RAB44: variants seen among roughly 807,000 people sequenced by gnomAD.
The protein encoded by RAB44 is ras-related protein Rab-44.
RAB44 carries 67 observed loss-of-function variants against 93.3 expected under a neutral mutation model. The observed-to-expected ratio is 0.72, with a 90% CI of 0.59 to 0.88. RAB44 has a LOEUF of 0.88. Among genes scored for constraint, RAB44 ranks in the 40% least tolerant of loss-of-function variants. The probability of loss-of-function intolerance (pLI) is 0.00; values close to 1 mark genes in which losing one functional copy is unlikely to be tolerated. For synonymous variants in RAB44, 427 were observed against 520.3 expected, an observed-to-expected ratio of 0.82 and a Z score of 2.44; for missense variants, 1,064 against 1,261.7, an observed-to-expected ratio of 0.84 and a Z score of 2.37.
At chr6:36,719,382 C>A (rs146176335) in intron 7 of RAB44, among the ~76,000 whole-genome samples, 85 of 152,308 alleles carry the variant, frequency 5.6e-4, no homozygotes, top group African/African-American at 1.9e-3. Context: ...TAGGGCTTTA[C>A]ACATGGGGCC....
chr6:36,718,048 G>T lies in RAB44; in HGVS notation c.662G>T (p.Arg221Leu), dbSNP rs1457889436. Residue 221 changes from arginine (R) to leucine (L), a missense_variant, in exon 6 of 14, where the codon CGC (arginine) becomes CTC (leucine). Coordinates refer to ENST00000612677, the MANE Select transcript of RAB44 (RefSeq NM_001257357.2). ...CCCAGGCGTGACTCTGACCACCACC[G>T]CGAGGTCCAGCAGCTCTATGAGGAG... is the stretch of plus-strand genomic sequence containing the variant. ...TLRKRDSDHH[R>L]EVQQLYEEME... 8 of 1,231,988 alleles carry T rather than the reference G, an allele frequency of 6.5e-6. No homozygotes were observed. Among genetic ancestry groups the T allele is most frequent in the Admixed American group, 8.4e-5 (2 of 23,704 alleles). 76.3% of individuals were successfully genotyped at this position (1,231,988 alleles called of 1,614,324 possible).
At position 36,720,349 on chromosome 6, in the gene RAB44, C is replaced by T. The variant is rs946875295; in HGVS notation, c.829-14C>T. On this transcript the variant is annotated splice_polypyrimidine_tract_variant and intron_variant, in intron 7 of 13. Coordinates refer to ENST00000612677, the MANE Select transcript of RAB44 (RefSeq NM_001257357.2). The stretch of plus-strand genomic sequence containing the variant: ...GCATCTGGGCTTCTCTCCGCCTCAC[C>T]CTCCACCCTGCAGCTGGAGGCCCAG... 8.1e-7 allele frequency: 1 copy of T among 1,232,342 alleles called. No individual in the cohort carries two copies. Among genetic ancestry groups the T allele is most frequent in the Non-Finnish European group, 1.0e-6 (1 of 988,110 alleles). 76.3% of individuals were successfully genotyped at this position (1,232,342 alleles called of 1,614,324 possible). A position where few individuals can be genotyped will look rare whatever the true frequency, so the allele number is the denominator to read the frequency against.
chr6:36,722,145 G>A lies in RAB44; in HGVS notation c.2011G>A (p.Glu671Lys). Residue 671 changes from glutamate (E) to lysine (K), a missense_variant, in exon 9 of 14, where the codon GAA (glutamate) becomes AAA (lysine). Coordinates refer to ENST00000612677, the MANE Select transcript of RAB44 (RefSeq NM_001257357.2). ...GTCTGCCTTCCCCCACCAGGAGCTG[G>A]AAGAGGAACCCAGGTCTGAGGAAGG... ...ELSAFPHQEL[E>K]EEPRSEEGKQ... 3.2e-6 allele frequency: 4 copies of A among 1,236,614 alleles called. No individual in the cohort carries two copies. Among genetic ancestry groups the A allele is most frequent in the Non-Finnish European group, 4.0e-6 (4 of 989,772 alleles). The allele number at this position is 1,236,614 out of a possible 1,614,324, so 76.6% of individuals were successfully genotyped here.
chr6:36,703,848 AC>A (rs975515775), intron 1 of RAB44, among the ~76,000 whole-genome samples: 2 of 152,034 alleles, frequency 1.3e-5, no homozygotes, highest in African/African-American at 4.8e-5. Flanking sequence ...ATCCTGGAAA[AC>A]CCTGTGTAAC....
Position 36,716,782 on chromosome 6 carries a change from T to C in RAB44, c.495-491T>C, listed in dbSNP as rs954595000. ...GCCCTCTGGCATCCATCCTCATGAC[T>C]TAATTAAATCCATGTGAAAGCAGCC... On this transcript the variant is annotated intron_variant, in intron 4 of 13. Transcript: ENST00000612677. Among the ~76,000 whole-genome samples, 5 of 152,326 alleles carry C rather than the reference T, an allele frequency of 3.3e-5. No homozygotes were observed. In the East Asian group the frequency reaches 7.7e-4, roughly 24 times the overall value.
At chr6:36,702,406 C>A (rs919407290) in intron 1 of RAB44, among the ~76,000 whole-genome samples, 11 of 150,440 alleles carry the variant, frequency 7.3e-5, no homozygotes, top group Non-Finnish European at 1.6e-4. Context: ...TTCTGTGCAA[C>A]CTGTGCCGTT....
intron 11 of RAB44, among the ~76,000 whole-genome samples, chr6:36,728,367 T>C (rs1034289027): frequency 6.6e-6 from 1 of 152,194 alleles, no homozygotes; most frequent in African/African-American, 2.4e-5. Context: ...CACTCACTAA[T>C]CAGAAACTAT....
chr6:36,698,872 G>A (rs146864926), intron 1 of RAB44, among the ~76,000 whole-genome samples: 6 of 152,266 alleles, frequency 3.9e-5, no homozygotes, highest in East Asian at 1.9e-4. Flanking sequence ...GTGTGTGTGC[G>A]TGCACGTTTG....
chr6:36,717,426 G>C lies in RAB44; in HGVS notation c.641+7G>C, dbSNP rs542575300. On this transcript the variant is annotated splice_region_variant and intron_variant, in intron 5 of 13. Coordinates refer to ENST00000612677, the MANE Select transcript of RAB44 (RefSeq NM_001257357.2). This position sits in a 1 kb window ranked among gnomAD's most constrained non-coding sequence, Gnocchi z 4.1. ...TGGAGCTGACCCTGAGGAAGTGAGT[G>C]GGGGGCCTGGCCGGGTGTCTGATAC... is the stretch of plus-strand genomic sequence containing the variant. The C allele has an allele frequency of 1.6e-4, 191 of 1,231,986 alleles. 3 individuals are homozygous for C. In the South Asian group the frequency reaches 6.5e-3, roughly 42 times the overall value. The allele number at this position is 1,231,986 out of a possible 1,614,324, so 76.3% of individuals were successfully genotyped here.
At chr6:36,701,913 G>A (rs1427171084) in intron 1 of RAB44, among the ~76,000 whole-genome samples, 2 of 151,974 alleles carry the variant, frequency 1.3e-5, no homozygotes, top group African/African-American at 4.8e-5. Flanking sequence ...TCTGCCAGCA[G>A]GAAGTACCTT....
At chr6:36,721,025 C>A in intron 8 of RAB44, 126 bp from the exon 9 acceptor site, 1 of 895,050 alleles carries the variant, frequency 1.1e-6, no homozygotes, top group Non-Finnish European at 1.5e-6. Flanking sequence ...GAAAGATTGC[C>A]TGAGCAAGGA....
chr6:36,721,274 T>TC lies in RAB44; in HGVS notation c.1142dup (p.His382AlafsTer65). On this transcript the variant is annotated frameshift_variant, in exon 9 of 14. Transcript: ENST00000612677. LOFTEE classifies it high-confidence loss of function. Reference sequence around the variant, plus strand: ...AGCTACTGAGCAACTTTGGCAGCCCTCCGCACGGAGCCCTGCAGCTCTGCT... The same window carrying TC: ...AGCTACTGAGCAACTTTGGCAGCCCTCCCGCACGGAGCCCTGCAGCTCTGCT... 1 of 1,234,164 alleles carries TC rather than the reference T, an allele frequency of 8.1e-7. No individual in the cohort carries two copies. The highest frequency in any genetic ancestry group is 3.2e-5 in the East Asian group (1 of 31,694). 76.5% of individuals were successfully genotyped at this position (1,234,164 alleles called of 1,614,324 possible).
chr6:36,728,887 G>A (rs1475195978), intron 12 of RAB44, 86 bp downstream of exon 12: 2 of 1,122,284 alleles, frequency 1.8e-6, no homozygotes, highest in Non-Finnish European at 2.6e-6. Context: ...CACCTGACCT[G>A]GGCAGCCGAG....
chr6:36,730,549 G>A (rs1228656614), intron 12 of RAB44, 124 bp from the exon 13 acceptor site: 9 of 509,892 alleles, frequency 1.8e-5, no homozygotes, highest in Non-Finnish European at 2.1e-5. Context: ...TGTCTTGCTC[G>A]CCACTGAGGT....
chr6:36,730,856 T>G, intron 13 of RAB44, 107 bp downstream of exon 13: 1 of 497,758 alleles, frequency 2.0e-6, no homozygotes, highest in African/African-American at 2.1e-5. Flanking sequence ...AGGCCCATTC[T>G]GAGGAAATGG....
At chr6:36,707,226 G>A (rs1762671210) in intron 2 of RAB44, among the ~76,000 whole-genome samples, 1 of 151,942 alleles carries the variant, frequency 6.6e-6, no homozygotes, top group African/African-American at 2.4e-5. Context: ...AGGCTGTAAT[G>A]TGTGTCTGTA....
At chr6:36,700,217 C>T (rs1347732519) in intron 1 of RAB44, among the ~76,000 whole-genome samples, 3 of 152,170 alleles carry the variant, frequency 2.0e-5, no homozygotes, top group Non-Finnish European at 4.4e-5. Context: ...GATATTAGTC[C>T]TAAGTTTCCA....
chr6:36,722,284 T>C lies in RAB44; in HGVS notation c.2150T>C (p.Leu717Pro). The C allele has an allele frequency of 1.5e-6, 2 of 1,301,202 alleles. No homozygotes were observed. The highest frequency in any genetic ancestry group is 1.9e-6 in the Non-Finnish European group (2 of 1,026,908). The allele number at this position is 1,301,202 out of a possible 1,614,324, so 80.6% of individuals were successfully genotyped here. Residue 717 changes from leucine (L) to proline (P), a missense_variant, in exon 9 of 14, where the codon CTT becomes CCT. Transcript: ENST00000612677. Reference sequence around the variant, plus strand: ...GAACTCCCCCAGCAAGACTCTCTGCTTGTTTCTCTCCCATCTGCCACACCA... The same window carrying C: ...GAACTCCCCCAGCAAGACTCTCTGCCTGTTTCTCTCCCATCTGCCACACCA... The part of the protein sequence containing the change: ...HSELPQQDSL[L>P]VSLPSATPQA...
At chr6:36,724,568 T>G (rs888521055) in intron 9 of RAB44, among the ~76,000 whole-genome samples, 1 of 152,166 alleles carries the variant, frequency 6.6e-6, no homozygotes, top group East Asian at 1.9e-4. Context: ...GAATGGAGCC[T>G]CCTCCTTTAT....
Sources: gnomAD v4.1 joint callset for allele counts (sites outside exome capture counted in the v4.1 genomes callset) on GRCh38, gnomAD v4.1.1 for gene constraint, Gnocchi (gnomAD v3.1) non-coding constraint, MANE v1.5 for transcripts, NCBI Gene and HGNC (gene_info 2026-07-23, HGNC 2026-07-21) for gene names.